Variants in JAKMIP1 observed in about 807,000 individuals in gnomAD.
The protein encoded by JAKMIP1 is janus kinase and microtubule interacting protein 1, also known as janus kinase and microtubule-interacting protein 1.
JAKMIP1 carries 33 observed loss-of-function variants against 113.0 expected under a neutral mutation model. The ratio of observed to expected loss-of-function variants is 0.29; its 90% CI spans 0.22 to 0.39. JAKMIP1 has a LOEUF of 0.39. JAKMIP1 is among the 10% of genes least tolerant of loss of function. The pLI, the probability that JAKMIP1 is intolerant of heterozygous loss-of-function variation, is 1.00. For missense variants in JAKMIP1, 813 were observed against 1,080.5 expected (o/e 0.75, Z 3.47); for synonymous variants, 480 against 459.9 (o/e 1.04, Z -0.56).
At position 6,042,365 on chromosome 4, in the gene JAKMIP1, C is replaced by A; in HGVS notation, c.2029-138G>T. The A allele has an allele frequency of 1.4e-6, 1 of 696,410 alleles. No individual in the cohort carries two copies. Among genetic ancestry groups the A allele is most frequent in the Non-Finnish European group, 2.6e-6 (1 of 390,900 alleles). The allele number at this position is 696,410 out of a possible 1,614,324, so 43.1% of individuals were successfully genotyped here. The stretch of plus-strand genomic sequence containing the variant: ...CAGGAATGGGTCAGGTCATGGCACA[C>A]ACATGCCTGATCTGTGGATGGCGTG... On this transcript the variant is annotated intron_variant, in intron 16 of 20. Transcript: ENST00000409021. This position sits in a 1 kb window ranked among gnomAD's most constrained non-coding sequence, Gnocchi z 5.2.
chr4:6,104,774 G>A (rs1031995082), intron 3 of JAKMIP1, among the ~76,000 whole-genome samples: 1 of 152,146 alleles, frequency 6.6e-6, no homozygotes, highest in African/African-American at 2.4e-5. Context: ...CTTTCCAGCT[G>A]GGCTCGCCAG....
chr4:6,128,957 G>C (rs1718131419), intron 1 of JAKMIP1, among the ~76,000 whole-genome samples: 1 of 152,212 alleles, frequency 6.6e-6, no homozygotes, highest in African/African-American at 2.4e-5. Flanking sequence ...CCGGCCCCTG[G>C]CCGTCTCACC....
chr4:6,114,465 G>A (rs1352957445), intron 1 of JAKMIP1, among the ~76,000 whole-genome samples: 3 of 152,146 alleles, frequency 2.0e-5, no homozygotes, highest in Non-Finnish European at 2.9e-5. Context: ...GTCTGGGGTG[G>A]GGTCTCCACA....
chr4:6,062,744 G>A (rs1283851305), intron 9 of JAKMIP1, among the ~76,000 whole-genome samples: 1 of 152,210 alleles, frequency 6.6e-6, no homozygotes, highest in East Asian at 1.9e-4. Flanking sequence ...GTGGGAGCAG[G>A]TGGGAGAGAA....
intron 8 of JAKMIP1, among the ~76,000 whole-genome samples, chr4:6,068,786 T>G (rs1239072423): frequency 6.6e-6 from 1 of 152,206 alleles, no homozygotes; most frequent in Non-Finnish European, 1.5e-5. Context: ...GCCAGGCTGG[T>G]GTCAAACTCT....
Position 6,040,181 on chromosome 4 carries a change from AC to A in JAKMIP1, c.2175+457del, listed in dbSNP as rs1714131166. On this transcript the variant is annotated intron_variant, in intron 18 of 20. Transcript: ENST00000409021. The surrounding 1 kb of genome is among the most constrained non-coding windows in gnomAD (Gnocchi z 5.8). ...CAGGACGCCCAGAATCAATTTTGCA[AC>A]CCAAATGCAGTATTACATCCGACCT... 1.3e-5 allele frequency among the ~76,000 whole-genome samples: 2 copies of A among 152,134 alleles called. No homozygotes were observed. Among genetic ancestry groups the A allele is most frequent in the Non-Finnish European group, 2.9e-5 (2 of 68,028 alleles).
In JAKMIP1 at chr4:6,086,070, ACAGCT is replaced by A. The variant is rs1334039442; in HGVS notation, c.625-446_625-442del. On this transcript the variant is annotated intron_variant, in intron 3 of 20. Coordinates refer to ENST00000409021, the MANE Select transcript of JAKMIP1 (RefSeq NM_001099433.2). This position sits in a 1 kb window ranked among gnomAD's most constrained non-coding sequence, Gnocchi z 4.1. The stretch of plus-strand genomic sequence containing the variant: ...ACAACTCCCCAACCCTCACCACCAG[ACAGCT>A]CCTGCCAAGGTCACCAGTGCTCTCC... Among the ~76,000 whole-genome samples the A allele has an allele frequency of 6.6e-6, 1 of 151,740 alleles. No individual in the cohort carries two copies. Among genetic ancestry groups the A allele is most frequent in the Non-Finnish European group, 1.5e-5 (1 of 67,918 alleles).
rs560799554 is a variant in JAKMIP1, at chr4:6,064,685, G to C, written c.1431+195C>G. Among the ~76,000 whole-genome samples, 130 of 152,150 alleles carry C rather than the reference G, an allele frequency of 8.5e-4. No individual in the cohort carries two copies. Among genetic ancestry groups the C allele is most frequent in the African/African-American group, 3.1e-3 (127 of 41,518 alleles). ...GGTCCCCACGTGCTGCCCTCCCATCGCCATTCATGGAGCCCACAGCTGTGG... is the reference window on the plus strand; with the variant it reads ...GGTCCCCACGTGCTGCCCTCCCATCCCCATTCATGGAGCCCACAGCTGTGG... On this transcript the variant is annotated intron_variant, in intron 9 of 20. Coordinates refer to ENST00000409021, the MANE Select transcript of JAKMIP1 (RefSeq NM_001099433.2). The surrounding 1 kb of genome is among the most constrained non-coding windows in gnomAD (Gnocchi z 4.3).
rs765168128 is a variant in JAKMIP1, at chr4:6,076,797, T to C, written c.1302+2142A>G. 2.0e-5 allele frequency among the ~76,000 whole-genome samples: 3 copies of C among 152,236 alleles called. No homozygotes were observed. Among genetic ancestry groups the C allele is most frequent in the Non-Finnish European group, 4.4e-5 (3 of 68,044 alleles). On this transcript the variant is annotated intron_variant, in intron 8 of 20. Transcript: ENST00000409021. This position sits in a 1 kb window ranked among gnomAD's most constrained non-coding sequence, Gnocchi z 4.8. ...AAACATGAAATTCATTTGTTTCATA[T>C]ACACTTTATATATAATACATAGCCT...
Position 6,193,832 on chromosome 4 carries a change from G to T in JAKMIP1, c.-148+6421C>A, listed in dbSNP as rs1041375381. The stretch of plus-strand genomic sequence containing the variant: ...ATAGGACCTGAGCAGCCAAAGCCCT[G>T]GGAAGAAAATGTTAACACCCTGAGC... On this transcript the variant is annotated intron_variant, in intron 1 of 20. Coordinates refer to ENST00000409021, the MANE Select transcript of JAKMIP1 (RefSeq NM_001099433.2). This position sits in a 1 kb window ranked among gnomAD's most constrained non-coding sequence, Gnocchi z 6.4. Among the ~76,000 whole-genome samples the T allele has an allele frequency of 1.3e-5, 2 of 152,142 alleles. No individual in the cohort carries two copies. The highest frequency in any genetic ancestry group is 2.9e-5 in the Non-Finnish European group (2 of 68,012).
At chr4:6,134,071 G>T (rs926331519) in intron 1 of JAKMIP1, among the ~76,000 whole-genome samples, 23 of 152,254 alleles carry the variant, frequency 1.5e-4, no homozygotes, top group African/African-American at 5.3e-4. Flanking sequence ...CGAGGGAGAT[G>T]CCTGGAGGAA....
intron 1 of JAKMIP1, among the ~76,000 whole-genome samples, chr4:6,118,051 TTAAAG>T (rs1335673207): frequency 2.6e-5 from 4 of 152,174 alleles, no homozygotes; most frequent in Non-Finnish European, 5.9e-5. Context: ...GATTAAGAGA[TTAAAG>T]TAAAGACAGG....
Position 6,040,600 on chromosome 4 carries a change from T to C in JAKMIP1, c.2175+39A>G, listed in dbSNP as rs1371332038. ...GGAAAAAGCAGCCTCTAATGTGGAG[T>C]CTAAGAAGCCAAAGTGTCAAACCCA... On this transcript the variant is annotated intron_variant, in intron 18 of 20. Transcript: ENST00000409021. This position sits in a 1 kb window ranked among gnomAD's most constrained non-coding sequence, Gnocchi z 5.8. 2.0e-6 allele frequency: 3 copies of C among 1,477,696 alleles called. No individual in the cohort carries two copies. Among genetic ancestry groups the C allele is most frequent in the African/African-American group, 1.4e-5 (1 of 72,394 alleles). The allele number at this position is 1,477,696 out of a possible 1,614,324, so 91.5% of individuals were successfully genotyped here. A position where few individuals can be genotyped will look rare whatever the true frequency, so the allele number is the denominator to read the frequency against.
chr4:6,129,384 G>T lies in JAKMIP1; in HGVS notation c.-147-16387C>A, dbSNP rs1718195868. On this transcript the variant is annotated intron_variant, in intron 1 of 20. Coordinates refer to ENST00000409021, the MANE Select transcript of JAKMIP1 (RefSeq NM_001099433.2). This position sits in a 1 kb window ranked among gnomAD's most constrained non-coding sequence, Gnocchi z 5.4. ...TAAATGGTAAGGTACTGACCATTAA[G>T]GGTCCTTGGCCTTGCTCTTGGATAA... Among the ~76,000 whole-genome samples the T allele has an allele frequency of 6.6e-6, 1 of 152,218 alleles. No individual in the cohort carries two copies. Among genetic ancestry groups the T allele is most frequent in the Admixed American group, 6.5e-5 (1 of 15,294 alleles).
chr4:6,060,551 G>A (rs1487186647), intron 10 of JAKMIP1, 44 bp from the exon 11 acceptor site: 1 of 1,434,618 alleles, frequency 7.0e-7, no homozygotes, highest in Admixed American at 1.7e-5. Context: ...ACCTCCAATG[G>A]GTGACAGGGA....
chr4:6,056,692 C>G lies in JAKMIP1; in HGVS notation c.1707+5G>C. 1 of 1,611,666 alleles carries G rather than the reference C, an allele frequency of 6.2e-7. No individual in the cohort carries two copies. Among genetic ancestry groups the G allele is most frequent in the Non-Finnish European group, 8.5e-7 (1 of 1,178,068 alleles). On this transcript the variant is annotated splice_donor_5th_base_variant and intron_variant, in intron 12 of 20. Coordinates refer to ENST00000409021, the MANE Select transcript of JAKMIP1 (RefSeq NM_001099433.2). Reference sequence around the variant, plus strand: ...TGTGTGCTTCCCTGAGGTGGGGTCACGCACCTTTTCCAGCAAGTCTTGGTT... The same window carrying G: ...TGTGTGCTTCCCTGAGGTGGGGTCAGGCACCTTTTCCAGCAAGTCTTGGTT...
rs961659347 is a variant in JAKMIP1 at position 6,187,477 on chromosome 4, A to G, written c.-148+12776T>C. On this transcript the variant is annotated intron_variant, in intron 1 of 20. Transcript: ENST00000409021. The surrounding 1 kb of genome is among the most constrained non-coding windows in gnomAD (Gnocchi z 4.2). Reference sequence around the variant, plus strand: ...CTAGTCACCAGTATGATAGCATTAGAAGGTGAGGCGTTTGGCAAGTGATTA... The same window carrying G: ...CTAGTCACCAGTATGATAGCATTAGGAGGTGAGGCGTTTGGCAAGTGATTA... Among the ~76,000 whole-genome samples the G allele has an allele frequency of 3.3e-5, 5 of 152,248 alleles. No homozygotes were observed. Among genetic ancestry groups the G allele is most frequent in the Non-Finnish European group, 7.3e-5 (5 of 68,052 alleles).
In JAKMIP1 at chr4:6,192,564, T is replaced by C. The variant is rs1189580804; in HGVS notation, c.-148+7689A>G. 2.0e-5 allele frequency among the ~76,000 whole-genome samples: 3 copies of C among 152,164 alleles called. No individual in the cohort carries two copies. On this transcript the variant is annotated intron_variant, in intron 1 of 20. Coordinates refer to ENST00000409021, the MANE Select transcript of JAKMIP1 (RefSeq NM_001099433.2). This position sits in a 1 kb window ranked among gnomAD's most constrained non-coding sequence, Gnocchi z 5.0. ...CTCTTTATTTCACAAAAGAAGGAAG[T>C]GAAGCTCAGAAAGATGAAGGAACGA...
rs1715459652 is a variant in JAKMIP1 at position 6,050,036 on chromosome 4, G to A, written c.1909-164C>T. ...TCCTCTGGGGAGTGAGGGAGAGAAG[G>A]CATAACTGCTGCTCATTTGCTGAGT... is the stretch of plus-strand genomic sequence containing the variant. On this transcript the variant is annotated intron_variant, in intron 14 of 20. Transcript: ENST00000409021. The surrounding 1 kb of genome is among the most constrained non-coding windows in gnomAD (Gnocchi z 7.4). Among the ~76,000 whole-genome samples, 1 of 152,150 alleles carries A rather than the reference G, an allele frequency of 6.6e-6. No homozygotes were observed. Among genetic ancestry groups the A allele is most frequent in the Non-Finnish European group, 1.5e-5 (1 of 68,024 alleles).
Sources: allele counts gnomAD v4.1 joint callset (sites outside exome capture counted in the v4.1 genomes callset), GRCh38; gene constraint gnomAD v4.1.1; non-coding constraint Gnocchi (gnomAD v3.1); transcripts MANE v1.5; gene names NCBI Gene and HGNC (gene_info 2026-07-23, HGNC 2026-07-21).